The following TYW1B variants were observed in gnomAD, a reference collection of about 807,000 sequenced individuals.
TYW1B encodes tRNA-yW synthesizing protein 1 homolog B.
A neutral mutation model predicts 86.9 loss-of-function variants in TYW1B; 73 were observed. The ratio of observed to expected loss-of-function variants is 0.84; its 90% CI spans 0.70 to 1.02. The LOEUF (loss-of-function observed/expected upper bound fraction) is 1.02. Ranked by LOEUF, TYW1B falls within the 50% of genes least tolerant of loss-of-function variation. The probability of loss-of-function intolerance (pLI) is 0.00; values close to 1 mark genes in which losing one functional copy is unlikely to be tolerated. For missense variants in TYW1B, 637 were observed against 827.4 expected (o/e 0.77, Z 2.82); for synonymous variants, 248 against 292.8 (o/e 0.85, Z 1.56).
chr7:72,638,371 A>C (rs560487972), intron 11 of TYW1B, among the ~76,000 whole-genome samples: 1 of 152,362 alleles, frequency 6.6e-6, no homozygotes, highest in South Asian at 2.1e-4. Context: ...CAACATTTGA[A>C]AATCAGTTAA....
chr7:72,721,638 GCACA>G (rs1235861967), intron 9 of TYW1B, among the ~76,000 whole-genome samples: 2 of 150,494 alleles, frequency 1.3e-5, no homozygotes, highest in Non-Finnish European at 3.0e-5. Context: ...ACACACACAC[GCACA>G]CACACACAGG....
intron 13 of TYW1B, among the ~76,000 whole-genome samples, chr7:72,612,801 G>C (rs1811967506): frequency 1.3e-5 from 2 of 151,628 alleles, no homozygotes; most frequent in South Asian, 2.1e-4. Flanking sequence ...CCAGAATAAA[G>C]TGCAATGGCA....
At chr7:72,671,259 T>C (rs1813594236) in intron 11 of TYW1B, among the ~76,000 whole-genome samples, 2 of 152,138 alleles carry the variant, frequency 1.3e-5, no homozygotes, top group African/African-American at 2.4e-5. Context: ...TTTTTAAAAA[T>C]AAGTAACACT....
rs1585859375 is a variant in TYW1B, at chr7:72,628,052, G to C, written c.1617+835C>G. Among the ~76,000 whole-genome samples the C allele has an allele frequency of 2.0e-5, 3 of 152,286 alleles. No homozygotes were observed. The South Asian group carries it at 6.2e-4, about 32-fold the overall frequency. ...CACACCTATAATCCCAGCACTCTGAGAGGCCGAGGCAGGAGGGTCGCTTGA... is the reference window on the plus strand; with the variant it reads ...CACACCTATAATCCCAGCACTCTGACAGGCCGAGGCAGGAGGGTCGCTTGA... On this transcript the variant is annotated intron_variant, in intron 12 of 13. Coordinates refer to ENST00000620995, the MANE Select transcript of TYW1B (RefSeq NM_001145440.3).
At chr7:72,662,418 T>TAGATAGATAGATAG (rs1293459145) in intron 11 of TYW1B, among the ~76,000 whole-genome samples, 2 of 49,364 alleles carry the variant, frequency 4.1e-5, no homozygotes, top group Non-Finnish European at 4.3e-5. Flanking sequence ...AGGTTTTTAA[T>TAGATAGATAGATAG]ATATATATAT....
intron 11 of TYW1B, among the ~76,000 whole-genome samples, chr7:72,653,552 A>G (rs2129569266): frequency 6.6e-6 from 1 of 152,068 alleles, no homozygotes; most frequent in South Asian, 2.1e-4. Context: ...GCTTGCAGTG[A>G]GCCAAGATCA....
intron 7 of TYW1B, 125 bp downstream of exon 7, chr7:72,777,291 T>C (rs1787972691): frequency 8.7e-7 from 1 of 1,156,010 alleles, no homozygotes; most frequent in Non-Finnish European, 1.2e-6. Context: ...AAGGTAAATC[T>C]TTAGACTGTT....
At chr7:72,614,632 T>TA (rs34879859) in intron 13 of TYW1B, among the ~76,000 whole-genome samples, 22,490 of 132,870 alleles carry the variant, frequency 0.17, 2,296 homozygotes, top group East Asian at 0.56. Flanking sequence ...GACTCCATCT[T>TA]AAAAAAAAAA....
At chr7:72,692,200 C>A (rs1554450424) in intron 11 of TYW1B, among the ~76,000 whole-genome samples, 5 of 100,028 alleles carry the variant, frequency 5.0e-5, no homozygotes, top group Admixed American at 1.1e-4. Flanking sequence ...AAAGAGACTC[C>A]ATCTCAAAAA....
intron 6 of TYW1B, among the ~76,000 whole-genome samples, chr7:72,797,784 T>G (rs1788329015): frequency 6.6e-6 from 1 of 151,976 alleles, no homozygotes; most frequent in South Asian, 2.1e-4. Flanking sequence ...GTTCTGTGAG[T>G]CATTCCGGCA....
At chr7:72,704,710 C>A (rs782363890) in intron 10 of TYW1B, among the ~76,000 whole-genome samples, 1 of 152,092 alleles carries the variant, frequency 6.6e-6, no homozygotes, top group Non-Finnish European at 1.5e-5. Context: ...TCTTATCTCA[C>A]ATACTCGCAA....
intron 7 of TYW1B, among the ~76,000 whole-genome samples, chr7:72,757,575 A>G (rs556134629): frequency 6.6e-6 from 1 of 152,318 alleles, no homozygotes; most frequent in East Asian, 1.9e-4. Context: ...AGGCCTGCCC[A>G]TATGATGGAC....
chr7:72,742,050 A>G (rs1787313150), intron 8 of TYW1B, among the ~76,000 whole-genome samples: 1 of 152,224 alleles, frequency 6.6e-6, no homozygotes, highest in East Asian at 1.9e-4. Context: ...TATACAAAGA[A>G]CAACATAAAG....
At chr7:72,678,833 G>C (rs1483960585) in intron 11 of TYW1B, among the ~76,000 whole-genome samples, 1 of 151,938 alleles carries the variant, frequency 6.6e-6, no homozygotes, top group African/African-American at 2.4e-5. Context: ...AAGCCAACGT[G>C]CCCGGACAAT....
chr7:72,618,360 G>A (rs1367680967), intron 12 of TYW1B, among the ~76,000 whole-genome samples: 4 of 151,146 alleles, frequency 2.6e-5, no homozygotes, highest in African/African-American at 9.7e-5. Context: ...GGGAATACAG[G>A]CATGTGCCAC....
At chr7:72,603,953 A>G (rs1481644543) in intron 13 of TYW1B, among the ~76,000 whole-genome samples, 5 of 152,162 alleles carry the variant, frequency 3.3e-5, no homozygotes, top group African/African-American at 1.2e-4. Flanking sequence ...CTAGAACAGA[A>G]AAAGGACATT....
At chr7:72,770,953 C>CTTTTTTTTTTTTTTTTTT in intron 7 of TYW1B, among the ~76,000 whole-genome samples, 1 of 87,502 alleles carries the variant, frequency 1.1e-5, no homozygotes, top group African/African-American at 4.5e-5. Flanking sequence ...TATGAATTTC[C>CTTTTTTTTTTTTTTTTTT]TTTTTTTTTT....
intron 7 of TYW1B, among the ~76,000 whole-genome samples, chr7:72,747,687 G>A (rs57161853): frequency 0.79 from 119,904 of 152,110 alleles, 47,466 homozygotes; most frequent in Non-Finnish European, 0.8. Context: ...CAAGTCTTGA[G>A]TAAGTTTGCC....
chr7:72,799,196 T>C (rs1788361446), intron 6 of TYW1B, among the ~76,000 whole-genome samples: 1 of 144,056 alleles, frequency 6.9e-6, no homozygotes, highest in African/African-American at 2.6e-5. Context: ...TCTTGCTCTG[T>C]TGCCCAGGCT....
Sources: allele counts gnomAD v4.1 joint callset (sites outside exome capture counted in the v4.1 genomes callset), GRCh38; gene constraint gnomAD v4.1.1; transcripts MANE v1.5; gene names NCBI Gene and HGNC (gene_info 2026-07-23, HGNC 2026-07-21).